SSX5: variants seen among roughly 807,000 people sequenced by gnomAD.
SSX5 encodes the protein protein SSX5.
In SSX5, 14 loss-of-function variants were observed where a neutral mutation model predicts 14.9. That is an observed-to-expected ratio of 0.94 (90% CI 0.62 to 1.47). SSX5 has a LOEUF of 1.47. Ranked by LOEUF, SSX5 falls within the 40% of genes most tolerant of loss-of-function variation. The pLI is 0.00. For synonymous variants in SSX5, 70 were observed against 55.4 expected, an observed-to-expected ratio of 1.26 and a Z score of -1.17; for missense variants, 204 against 154.6, an observed-to-expected ratio of 1.32 and a Z score of -1.70.
chrX:48,187,373 T>A (rs1234473448), intron 7 of SSX5, among the ~76,000 whole-genome samples: 3 of 110,251 alleles, frequency 2.7e-5, no homozygotes, highest in Middle Eastern at 4.7e-3. Context: ...GGCAGGAGAA[T>A]GGCGTGAACA....
intron 1 of SSX5, among the ~76,000 whole-genome samples, chrX:48,196,066 G>A (rs1424757950): frequency 9.1e-6 from 1 of 110,364 alleles, no homozygotes; most frequent in African/African-American, 3.3e-5. Context: ...CGTGCAGATC[G>A]CTTGAGCCCA....
chrX:48,188,108 A>AT (rs1208193396), intron 6 of SSX5, among the ~76,000 whole-genome samples: 3,017 of 108,120 alleles, frequency 0.028, 123 homozygotes, highest in African/African-American at 0.096. Context: ...AGATGTTGCA[A>AT]TTTTTTTTTT....
At position 48,195,222 on chromosome X, in the gene SSX5, T is replaced by C. The variant is rs2059436066; in HGVS notation, c.69+68A>G. 2.5e-6 allele frequency: 3 copies of C among 1,204,690 alleles called. No homozygotes were observed. In the African/African-American group the frequency reaches 5.3e-5, roughly 21 times the overall value. ...TGTCCCCAGTACCTCTGTCCTCCCC[T>C]CCTCAGAAAACTGATCACCCCACAC... On this transcript the variant is annotated intron_variant, in intron 2 of 7. Coordinates refer to ENST00000347757, the MANE Select transcript of SSX5 (RefSeq NM_175723.2).
intron 6 of SSX5, among the ~76,000 whole-genome samples, chrX:48,189,449 C>T (rs1298881037): frequency 3.6e-5 from 4 of 111,825 alleles, no homozygotes; most frequent in African/African-American, 1.3e-4. Flanking sequence ...CTTCAGCAAC[C>T]ACCACCTTGA....
At chrX:48,196,168 C>T (rs1351914684) in intron 1 of SSX5, among the ~76,000 whole-genome samples, 3 of 110,259 alleles carry the variant, frequency 2.7e-5, no homozygotes, top group African/African-American at 9.9e-5. Context: ...CAGGCCTGTA[C>T]CATCCCAGCA....
intron 4 of SSX5, 151 bp from the exon 5 acceptor site, chrX:48,192,432 G>T (rs1556924980): frequency 2.3e-6 from 2 of 883,000 alleles, no homozygotes; most frequent in Non-Finnish European, 3.3e-6. Context: ...ATTATGTTTA[G>T]TCATGGTTGG....
intron 4 of SSX5, among the ~76,000 whole-genome samples, chrX:48,193,593 T>A (rs2059428265): frequency 9.1e-6 from 1 of 110,026 alleles, no homozygotes; most frequent in Non-Finnish European, 1.9e-5. Flanking sequence ...TACCAAAAAT[T>A]AAAAAATTAG....
At chrX:48,189,357 A>G (rs1422847515) in intron 6 of SSX5, among the ~76,000 whole-genome samples, 1 of 108,877 alleles carries the variant, frequency 9.2e-6, no homozygotes, top group Non-Finnish European at 1.9e-5. Context: ...CTACAGAGAA[A>G]GCATTCATGA....
In SSX5 at chrX:48,186,673, C is replaced by T; in HGVS notation, c.*188G>A. ...CAGAATGGCACACTGTAACAAAATA[C>T]AACAGAAACACTAACATCGAACTCT... On this transcript the variant is annotated 3_prime_UTR_variant, in exon 8 of 8. Transcript: ENST00000347757. 1 of 864,139 alleles carries T rather than the reference C, an allele frequency of 1.2e-6. No individual in the cohort carries two copies. The highest frequency in any genetic ancestry group is 3.3e-5 in the East Asian group (1 of 30,258). The allele number at this position is 864,139 out of a possible 1,213,427, so 71.2% of individuals were successfully genotyped here. A position where few individuals can be genotyped will look rare whatever the true frequency, so the allele number is the denominator to read the frequency against.
In SSX5 at chrX:48,194,863, A is replaced by C; in HGVS notation, c.70-9T>G. ...GCAATATCATCGAAGGCCTAGAAAAAAAAAAAGGATTTCTGATAGTGACTC... is the reference window on the plus strand; with the variant it reads ...GCAATATCATCGAAGGCCTAGAAAACAAAAAAGGATTTCTGATAGTGACTC... On this transcript the variant is annotated splice_polypyrimidine_tract_variant and intron_variant, in intron 2 of 7. Coordinates refer to ENST00000347757, the MANE Select transcript of SSX5 (RefSeq NM_175723.2). 1 of 1,203,983 alleles carries C rather than the reference A, an allele frequency of 8.3e-7. No individual in the cohort carries two copies. The highest frequency in any genetic ancestry group is 2.3e-4 in the Middle Eastern group (1 of 4,318).
At chrX:48,192,605 T>C (rs2059424508) in intron 4 of SSX5, among the ~76,000 whole-genome samples, 1 of 112,589 alleles carries the variant, frequency 8.9e-6, no homozygotes, top group Non-Finnish European at 1.9e-5. Flanking sequence ...ACTCAAGATG[T>C]ACAACAACTG....
intron 4 of SSX5, among the ~76,000 whole-genome samples, chrX:48,193,143 C>T (rs2059426502): frequency 9.0e-6 from 1 of 111,672 alleles, no homozygotes; most frequent in Admixed American, 9.6e-5. Flanking sequence ...AACAGCAGTG[C>T]TTATTACATA....
Position 48,195,307 on chromosome X carries a change from G to A in SSX5, c.52C>T (p.Pro18Ser). ...VRRPRVGSQI[P>S]EKMQKAFDDI... Reference sequence around the variant, plus strand: ...CACCTCACCTTTTGCATCTTCTCTGGTATTTGAGAACCAACCCTAGGTCTC... The same window carrying A: ...CACCTCACCTTTTGCATCTTCTCTGATATTTGAGAACCAACCCTAGGTCTC... Residue 18 changes from proline (P) to serine (S), a missense_variant, in exon 2 of 8, where the codon CCA (proline) becomes TCA (serine). By Grantham distance (74) the Pro-to-Ser change is moderately conservative. Transcript: ENST00000347757. 1 of 1,211,552 alleles carries A rather than the reference G, an allele frequency of 8.3e-7. No homozygotes were observed. Among genetic ancestry groups the A allele is most frequent in the South Asian group, 1.8e-5 (1 of 56,942 alleles).
Position 48,194,809 on chromosome X carries a change from T to C in SSX5, c.115A>G (p.Lys39Glu). The C allele has an allele frequency of 5.8e-6, 7 of 1,210,737 alleles. No individual in the cohort carries two copies. The highest frequency in any genetic ancestry group is 4.5e-6 in the Non-Finnish European group (4 of 895,050). Reference sequence around the variant, plus strand: ...ATGATTTTCTCCGAGGCTTTCATCTTTTCCCACTCTTTCTCAGAGAAGTAT... The same window carrying C: ...ATGATTTTCTCCGAGGCTTTCATCTCTTCCCACTCTTTCTCAGAGAAGTAT... ...AKYFSEKEWE[K>E]MKASEKIIYV... Residue 39 changes from lysine to glutamate, a missense_variant, in exon 3 of 8, where the codon AAG becomes GAG. Coordinates refer to ENST00000347757, the MANE Select transcript of SSX5 (RefSeq NM_175723.2).
chrX:48,193,289 C>T (rs2059427183), intron 4 of SSX5, among the ~76,000 whole-genome samples: 1 of 107,321 alleles, frequency 9.3e-6, no homozygotes, highest in Non-Finnish European at 1.9e-5. Context: ...ATTTTCTTAA[C>T]TGTCCTTTGA....
At chrX:48,187,756 T>TGAGGGTTGGGTAGATTGGA (rs1556924082) in intron 6 of SSX5, 25 bp from the exon 7 acceptor site, 6 of 1,199,409 alleles carry the variant, frequency 5.0e-6, no homozygotes, top group African/African-American at 1.7e-5. Flanking sequence ...AGTTGGAAGA[T>TGAGGGTTGGGTAGATTGGA]GAGGGTTGGG....
chrX:48,195,202 C>T (rs2059436028), intron 2 of SSX5, 88 bp downstream of exon 2: 1 of 1,207,037 alleles, frequency 8.3e-7, no homozygotes, highest in South Asian at 1.8e-5. Flanking sequence ...GTCCTTGTCC[C>T]CAGTACCTCT....
At position 48,190,190 on chromosome X, in the gene SSX5, T is replaced by G. The variant is rs781884056; in HGVS notation, c.409A>C (p.Lys137Gln). 9.9e-6 allele frequency: 12 copies of G among 1,210,912 alleles called. No individual in the cohort carries two copies. In the Admixed American group the frequency reaches 1.3e-4, roughly 13 times the overall value. The change falls in exon 6 of 8, where the codon AAA (lysine) becomes CAA (glutamine). Residue 137 changes from lysine (K) to glutamine (Q), a missense_variant. Transcript: ENST00000347757. ...AGTTTTCCTGAGGGGCGCAGCTGTT[T>G]CCCATTGTTCTGTGGGCCAGATGCT... The part of the protein sequence containing the change: ...PEASGPQNNG[K>Q]QLRPSGKLNT...
At chrX:48,192,448 T>G (rs2059424004) in intron 4 of SSX5, 167 bp from the exon 5 acceptor site, 2 of 788,272 alleles carry the variant, frequency 2.5e-6, no homozygotes, top group Non-Finnish European at 3.7e-6. Context: ...GTTGGTGCAT[T>G]TATCTGTGGC....
Sources: gnomAD v4.1 joint callset for allele counts (sites outside exome capture counted in the v4.1 genomes callset) on GRCh38, gnomAD v4.1.1 for gene constraint, MANE v1.5 for transcripts, NCBI Gene and HGNC (gene_info 2026-07-23, HGNC 2026-07-21) for gene names.